Variants in LANCL2 observed in about 807,000 individuals in gnomAD.
LANCL2 encodes the protein lanC-like protein 2.
In LANCL2, 33 loss-of-function variants were observed where a neutral mutation model predicts 56.9. That is an observed-to-expected ratio of 0.58 (90% confidence interval 0.44 to 0.78). LANCL2 has a LOEUF of 0.78. Among genes scored for constraint, LANCL2 ranks in the 30% least tolerant of loss-of-function variants. The pLI is 0.00. For synonymous variants in LANCL2, 233 were observed against 228.2 expected, an observed-to-expected ratio of 1.02 and a Z score of -0.19; for missense variants, 562 against 580.2, an observed-to-expected ratio of 0.97 and a Z score of 0.32.
intron 2 of LANCL2, 83 bp from the exon 3 acceptor site, chr7:55,398,340 A>G (rs1790280354): frequency 3.1e-6 from 3 of 974,084 alleles, no homozygotes; most frequent in Admixed American, 3.8e-5. Context: ...AGAAGAAGGT[A>G]TTTCATGTAA....
intron 1 of LANCL2, among the ~76,000 whole-genome samples, chr7:55,370,520 T>G (rs568753487): frequency 5.3e-5 from 8 of 152,194 alleles, no homozygotes; most frequent in Non-Finnish European, 1.2e-4. Flanking sequence ...GAAATTGCTG[T>G]GATACTGCAC....
chr7:55,389,026 T>C (rs188770246), intron 1 of LANCL2, among the ~76,000 whole-genome samples: 1 of 152,352 alleles, frequency 6.6e-6, no homozygotes, highest in East Asian at 1.9e-4. Flanking sequence ...CCTGTGCTTC[T>C]TGTTTGTATG....
At position 55,433,150 on chromosome 7, in the gene LANCL2, CCT is replaced by C. The variant is rs937315253; in HGVS notation, c.*1834_*1835del. On this transcript the variant is annotated 3_prime_UTR_variant, in exon 9 of 9. Coordinates refer to ENST00000254770, the MANE Select transcript of LANCL2 (RefSeq NM_018697.4). ...CAGCACGGTGCTCTCCAGGGCAGCC[CCT>C]CTCAGACGAGGAGGCAGCGGGTGCA... The C allele has an allele frequency of 5.9e-5, 9 of 152,388 alleles. No individual in the cohort carries two copies. Among genetic ancestry groups the C allele is most frequent in the African/African-American group, 2.2e-4 (9 of 41,458 alleles). The allele number at this position is 152,388 out of a possible 1,614,324, so 9.4% of individuals were successfully genotyped here. A position where few individuals can be genotyped will look rare whatever the true frequency, so the allele number is the denominator to read the frequency against.
chr7:55,369,985 C>G (rs11971033), intron 1 of LANCL2, among the ~76,000 whole-genome samples: 6 of 152,158 alleles, frequency 3.9e-5, no homozygotes, highest in Admixed American at 1.3e-4. Flanking sequence ...TAAACACTTA[C>G]GATCTCATGC....
chr7:55,395,184 T>C (rs942512979), intron 2 of LANCL2, among the ~76,000 whole-genome samples: 2 of 152,160 alleles, frequency 1.3e-5, no homozygotes, highest in Admixed American at 6.5e-5. Context: ...ATAGTTGATA[T>C]AGAAAAATTC....
chr7:55,426,134 T>C (rs1489901852), intron 7 of LANCL2, among the ~76,000 whole-genome samples: 2 of 152,192 alleles, frequency 1.3e-5, no homozygotes, highest in Non-Finnish European at 2.9e-5. Flanking sequence ...ACCCCCCAAG[T>C]GGATGATCAC....
At chr7:55,431,156 T>G in intron 8 of LANCL2, 70 bp from the exon 9 acceptor site, 1 of 1,099,722 alleles carries the variant, frequency 9.1e-7, no homozygotes, top group Non-Finnish European at 1.3e-6. Flanking sequence ...GTAAGGGAAA[T>G]GATTAAAAGT....
chr7:55,394,019 A>C (rs1790222281), intron 2 of LANCL2: 1 of 152,224 alleles, frequency 6.6e-6, no homozygotes, highest in Non-Finnish European at 1.5e-5. Context: ...GTTAGGTTCC[A>C]AACTGGCTAT....
chr7:55,388,507 C>G (rs935667219), intron 1 of LANCL2, among the ~76,000 whole-genome samples: 1 of 152,198 alleles, frequency 6.6e-6, no homozygotes, highest in Non-Finnish European at 1.5e-5. Context: ...GATGGTGCCA[C>G]TGCATTCCAG....
intron 1 of LANCL2, among the ~76,000 whole-genome samples, chr7:55,369,740 A>G (rs765761335): frequency 1.8e-4 from 27 of 152,202 alleles, no homozygotes; most frequent in Non-Finnish European, 3.8e-4. Flanking sequence ...TCCAACCAGG[A>G]GATGGGTACC....
At chr7:55,419,534 C>T (rs1022181261) in intron 6 of LANCL2, among the ~76,000 whole-genome samples, 4 of 150,896 alleles carry the variant, frequency 2.7e-5, no homozygotes, top group African/African-American at 9.7e-5. Context: ...TCCATGTAGT[C>T]GCGATTACAG....
At chr7:55,425,138 A>G (rs1790650653) in intron 6 of LANCL2, 116 bp from the exon 7 acceptor site, 1 of 941,854 alleles carries the variant, frequency 1.1e-6, no homozygotes. Flanking sequence ...TTTCACCCCC[A>G]GTGCCATTTC....
intron 6 of LANCL2, among the ~76,000 whole-genome samples, chr7:55,414,998 A>G (rs1790510561): frequency 1.5e-5 from 2 of 134,192 alleles, no homozygotes; most frequent in Non-Finnish European, 3.1e-5. Flanking sequence ...AAAAAAAAAA[A>G]AAAGAAAAGA....
At position 55,388,745 on chromosome 7, in the gene LANCL2, T is replaced by C. The variant is rs530485817; in HGVS notation, c.205-3048T>C. Among the ~76,000 whole-genome samples, 203 of 152,306 alleles carry C rather than the reference T, an allele frequency of 1.3e-3. 2 individuals carry two copies. The highest frequency in any genetic ancestry group is 4.8e-3 in the African/African-American group (199 of 41,566). ...TCAAGTCACCACTTAAGGTGAGCTG[T>C]TTTCAACTGGAGCAGAGAGCCCCTT... On this transcript the variant is annotated intron_variant, in intron 1 of 8. Transcript: ENST00000254770.
At chr7:55,390,894 T>C (rs1790180002) in intron 1 of LANCL2, among the ~76,000 whole-genome samples, 1 of 152,124 alleles carries the variant, frequency 6.6e-6, no homozygotes, top group South Asian at 2.1e-4. Flanking sequence ...TAAGAATACC[T>C]ATTTTGTTTG....
intron 1 of LANCL2, among the ~76,000 whole-genome samples, chr7:55,391,240 G>A (rs934837280): frequency 4.6e-5 from 7 of 151,668 alleles, no homozygotes; most frequent in South Asian, 2.1e-4. Flanking sequence ...GGATGGTCTC[G>A]ATCTCCTGAC....
chr7:55,366,549 C>T (rs1266566369), intron 1 of LANCL2, among the ~76,000 whole-genome samples: 1 of 152,146 alleles, frequency 6.6e-6, no homozygotes, highest in African/African-American at 2.4e-5. Context: ...GCGGACACCT[C>T]CCGCCCCTGC....
At chr7:55,411,281 A>AG (rs1790467390) in intron 5 of LANCL2, 2 of 152,238 alleles carry the variant, frequency 1.3e-5, no homozygotes, top group Non-Finnish European at 2.9e-5. Context: ...CTATGTTTTT[A>AG]GTCTTAGTCC....
intron 5 of LANCL2, among the ~76,000 whole-genome samples, chr7:55,402,100 A>T (rs1453202184): frequency 0.025 from 1,716 of 69,008 alleles, no homozygotes; most frequent in African/African-American, 0.03. Flanking sequence ...GGGGCTCCTC[A>T]CTTCCCAGTA....
Sources: allele counts gnomAD v4.1 joint callset (sites outside exome capture counted in the v4.1 genomes callset), GRCh38; gene constraint gnomAD v4.1.1; transcripts MANE v1.5; gene names NCBI Gene and HGNC (gene_info 2026-07-23, HGNC 2026-07-21).